Variants in PPP2R2A observed in about 807,000 individuals in gnomAD.
PPP2R2A encodes the protein protein phosphatase 2 regulatory subunit Balpha, also known as serine/threonine-protein phosphatase 2A 55 kDa regulatory subunit B alpha isoform.
A neutral mutation model predicts 53.2 loss-of-function variants in PPP2R2A; 9 were observed. That is an observed-to-expected ratio of 0.17 (90% CI 0.10 to 0.30). The LOEUF is 0.30. Ranked by LOEUF, PPP2R2A falls within the 10% of genes least tolerant of loss-of-function variation. PPP2R2A has a pLI of 1.00. For synonymous variants in PPP2R2A, 169 were observed against 174.2 expected, an observed-to-expected ratio of 0.97 and a Z score of 0.23; for missense variants, 235 against 534.6, an observed-to-expected ratio of 0.44 and a Z score of 5.53.
rs766656944 is a variant in PPP2R2A at position 26,370,090 on chromosome 8, T to C, written c.1065-44T>C. 6.4e-7 allele frequency: 1 copy of C among 1,570,192 alleles called. No homozygotes were observed. The highest frequency in any genetic ancestry group is 8.7e-7 in the Non-Finnish European group (1 of 1,151,104). ...CGAATCATTTTACTTGAAAACAATT[T>C]CTTGTTCTGCTTGTTTGACTGAGTG... On this transcript the variant is annotated intron_variant, in intron 9 of 9. Coordinates refer to ENST00000380737, the MANE Select transcript of PPP2R2A (RefSeq NM_002717.4). The surrounding 1 kb of genome is among the most constrained non-coding windows in gnomAD (Gnocchi z 6.1).
At chr8:26,350,217 C>T (rs935509787) in intron 3 of PPP2R2A, among the ~76,000 whole-genome samples, 7 of 152,226 alleles carry the variant, frequency 4.6e-5, no homozygotes, top group African/African-American at 1.7e-4. Context: ...GCATGCACCA[C>T]CATGCCCAGC....
chr8:26,293,044 T>TA (rs1801378002), intron 1 of PPP2R2A: 2 of 444,024 alleles, frequency 4.5e-6, no homozygotes, highest in Non-Finnish European at 7.9e-6. Context: ...CCAGGTCCTT[T>TA]GGAGTCAAGG....
At chr8:26,292,044 C>G in intron 1 of PPP2R2A, 10 of 738,316 alleles carry the variant, frequency 1.4e-5, no homozygotes, top group East Asian at 2.0e-4. Flanking sequence ...GGGCTGGCGC[C>G]GTGGCGGGGG....
chr8:26,296,290 T>A (rs529498969), intron 2 of PPP2R2A, among the ~76,000 whole-genome samples: 1 of 152,240 alleles, frequency 6.6e-6, no homozygotes, highest in Admixed American at 6.5e-5. Flanking sequence ...AACATCTCAG[T>A]CTAGAATGTA....
chr8:26,300,435 A>C (rs1801728980), intron 2 of PPP2R2A, among the ~76,000 whole-genome samples: 1 of 152,200 alleles, frequency 6.6e-6, no homozygotes. Context: ...AAACTGAAGG[A>C]TTGGAAATAG....
chr8:26,368,281 C>G (rs1202128174), intron 9 of PPP2R2A, among the ~76,000 whole-genome samples: 2 of 152,190 alleles, frequency 1.3e-5, no homozygotes, highest in African/African-American at 4.8e-5. Flanking sequence ...ATAATTTGTA[C>G]TCAGTAGGTG....
At chr8:26,367,431 C>G (rs1805433230) in intron 9 of PPP2R2A, among the ~76,000 whole-genome samples, 1 of 152,072 alleles carries the variant, frequency 6.6e-6, no homozygotes, top group South Asian at 2.1e-4. Flanking sequence ...GTTCTATTAT[C>G]AGAAAAAAAC....
chr8:26,370,055 G>A lies in PPP2R2A; in HGVS notation c.1065-79G>A, dbSNP rs1214367825. ...TCTGCTTTTGAAGTAGCTTCCTATG[G>A]TTTAATTGCCGAATCATTTTACTTG... On this transcript the variant is annotated intron_variant, in intron 9 of 9. Coordinates refer to ENST00000380737, the MANE Select transcript of PPP2R2A (RefSeq NM_002717.4). This position sits in a 1 kb window ranked among gnomAD's most constrained non-coding sequence, Gnocchi z 6.1. 2.1e-6 allele frequency: 3 copies of A among 1,460,548 alleles called. No homozygotes were observed. The African/African-American group carries it at 4.2e-5, about 21-fold the overall frequency. 90.5% of individuals were successfully genotyped at this position (1,460,548 alleles called of 1,614,324 possible).
intron 2 of PPP2R2A, among the ~76,000 whole-genome samples, chr8:26,320,315 A>G (rs1802772388): frequency 6.6e-6 from 1 of 152,218 alleles, no homozygotes. Flanking sequence ...GTGTCAGATC[A>G]GCAAATACGT....
intron 2 of PPP2R2A, among the ~76,000 whole-genome samples, chr8:26,334,317 A>G (rs530031210): frequency 7.9e-5 from 12 of 152,340 alleles, no homozygotes; most frequent in African/African-American, 1.9e-4. Flanking sequence ...CTGATATACT[A>G]TACTAAAGTA....
intron 9 of PPP2R2A, among the ~76,000 whole-genome samples, chr8:26,367,972 C>T (rs763961883): frequency 1.1e-4 from 17 of 152,210 alleles, no homozygotes; most frequent in Non-Finnish European, 2.2e-4. Context: ...TTGAAGAACA[C>T]AGGCCAGTTA....
At chr8:26,302,242 T>C (rs1801821206) in intron 2 of PPP2R2A, among the ~76,000 whole-genome samples, 1 of 152,238 alleles carries the variant, frequency 6.6e-6, no homozygotes. Context: ...GTGTACAGTG[T>C]TTGTTGCCCA....
rs770593692 is a variant in PPP2R2A, at chr8:26,354,656, CA to C, written c.346+24del. On this transcript the variant is annotated intron_variant, in intron 4 of 9. Transcript: ENST00000380737. This position sits in a 1 kb window ranked among gnomAD's most constrained non-coding sequence, Gnocchi z 4.6. ...ATGGTAAGTATACATATTTTCTTTC[CA>C]TGTGCCCACTGTGTGTACCTGTTGC... 2.6e-6 allele frequency: 4 copies of C among 1,549,024 alleles called. No homozygotes were observed. In the East Asian group the frequency reaches 9.1e-5, roughly 35 times the overall value.
chr8:26,312,081 A>T (rs931502265), intron 2 of PPP2R2A, among the ~76,000 whole-genome samples: 1 of 152,202 alleles, frequency 6.6e-6, no homozygotes, highest in African/African-American at 2.4e-5. Context: ...TTGTATGATG[A>T]TCTGAATCTT....
intron 1 of PPP2R2A, 118 bp downstream of exon 1, chr8:26,291,944 A>T: frequency 2.8e-6 from 2 of 711,514 alleles, no homozygotes; most frequent in Non-Finnish European, 2.1e-6. Flanking sequence ...CTCGGGTTTG[A>T]GGGAGTAGGG....
At chr8:26,325,418 ATGTGGAACT>A (rs1471532599) in intron 2 of PPP2R2A, among the ~76,000 whole-genome samples, 1 of 152,134 alleles carries the variant, frequency 6.6e-6, no homozygotes, top group African/African-American at 2.4e-5. Flanking sequence ...CTTCCCAGCC[ATGTGGAACT>A]GTAAGTTAAA....
intron 2 of PPP2R2A, among the ~76,000 whole-genome samples, chr8:26,294,068 A>G (rs1801431010): frequency 6.6e-6 from 1 of 152,134 alleles, no homozygotes; most frequent in African/African-American, 2.4e-5. Flanking sequence ...ATGGTGATGC[A>G]TTTTTATGTT....
rs1804660425 is a variant in PPP2R2A at position 26,354,193 on chromosome 8, A to G, written c.181-275A>G. Among the ~76,000 whole-genome samples the G allele has an allele frequency of 6.6e-6, 1 of 152,148 alleles. No individual in the cohort carries two copies. Among genetic ancestry groups the G allele is most frequent in the Non-Finnish European group, 1.5e-5 (1 of 68,032 alleles). On this transcript the variant is annotated intron_variant, in intron 3 of 9. Coordinates refer to ENST00000380737, the MANE Select transcript of PPP2R2A (RefSeq NM_002717.4). This position sits in a 1 kb window ranked among gnomAD's most constrained non-coding sequence, Gnocchi z 4.6. ...CATAGACTATACCATCAAATACATA[A>G]GAGTAAATTAGCAATCAAATTGATC...
intron 1 of PPP2R2A, chr8:26,292,373 A>C (rs1440275035): frequency 1.0e-6 from 1 of 985,778 alleles, no homozygotes; most frequent in Non-Finnish European, 1.2e-6. Flanking sequence ...GGAAGCCTAA[A>C]TTTTTTGTTT....
Sources: allele counts gnomAD v4.1 joint callset (sites outside exome capture counted in the v4.1 genomes callset), GRCh38; gene constraint gnomAD v4.1.1; non-coding constraint Gnocchi (gnomAD v3.1); transcripts MANE v1.5; gene names NCBI Gene and HGNC (gene_info 2026-07-23, HGNC 2026-07-21).